GRIP1: variants seen among roughly 807,000 people sequenced by gnomAD.
The protein encoded by GRIP1 is glutamate receptor-interacting protein 1.
In GRIP1, 45 loss-of-function variants were observed where a neutral mutation model predicts 129.9. The observed-to-expected ratio is 0.35, with a 90% CI of 0.27 to 0.44. GRIP1 has a LOEUF of 0.44. GRIP1 is among the 20% of genes least tolerant of loss of function. The probability of loss-of-function intolerance (pLI) is 1.00; values close to 1 mark genes in which losing one functional copy is unlikely to be tolerated. For synonymous variants in GRIP1, 530 were observed against 520.8 expected, an observed-to-expected ratio of 1.02 and a Z score of -0.24; for missense variants, 1,196 against 1,396.8, an observed-to-expected ratio of 0.86 and a Z score of 2.29.
intron 7 of GRIP1, among the ~76,000 whole-genome samples, chr12:66,476,477 A>G (rs958664492): frequency 1.3e-5 from 2 of 152,230 alleles, no homozygotes; most frequent in Admixed American, 1.3e-4. Context: ...AACTATTCTA[A>G]TCAATAGAAA....
chr12:66,531,117 C>T (rs1418690768), intron 4 of GRIP1, among the ~76,000 whole-genome samples: 1 of 151,520 alleles, frequency 6.6e-6, no homozygotes, highest in Non-Finnish European at 1.5e-5. Flanking sequence ...TGCCTGTAAT[C>T]CCAGCTACTT....
At chr12:67,065,859 A>T (rs2043615477) in intron 1 of GRIP1, among the ~76,000 whole-genome samples, 2 of 145,738 alleles carry the variant, frequency 1.4e-5, no homozygotes, top group African/African-American at 2.8e-5. Flanking sequence ...CAATGAATAC[A>T]TTACTTAATT....
At chr12:66,914,845 C>T (rs999628619) in intron 1 of GRIP1, among the ~76,000 whole-genome samples, 1 of 152,122 alleles carries the variant, frequency 6.6e-6, no homozygotes, top group Admixed American at 6.6e-5. Context: ...CAGACTAAGC[C>T]AGGCATGGTG....
chr12:66,803,943 A>C, intron 1 of GRIP1: 1 of 360,450 alleles, frequency 2.8e-6, no homozygotes, highest in Non-Finnish European at 5.6e-6. Flanking sequence ...GACTGCTCAC[A>C]GAGAACACCA....
At position 66,347,866 on chromosome 12, in the gene GRIP1, A is replaced by G. The variant is rs2054045861; in HGVS notation, c.*1153T>C. On this transcript the variant is annotated 3_prime_UTR_variant, in exon 25 of 25. Coordinates refer to ENST00000359742, the MANE Select transcript of GRIP1 (RefSeq NM_001366722.1). ...AAAATGTTTGGAAAATAATCATTTC[A>G]ATATGGAGAGTCTACCATCAATATA... 6.6e-6 allele frequency: 1 copy of G among 152,228 alleles called. No homozygotes were observed. The highest frequency in any genetic ancestry group is 2.4e-5 in the African/African-American group (1 of 41,464). The allele number at this position is 152,228 out of a possible 1,614,324, so 9.4% of individuals were successfully genotyped here.
chr12:66,455,421 A>G lies in GRIP1; in HGVS notation c.1342T>C (p.Phe448Leu), dbSNP rs2058928333. 1 of 1,614,152 alleles carries G rather than the reference A, an allele frequency of 6.2e-7. No homozygotes were observed. The stretch of plus-strand genomic sequence containing the variant: ...TCATTTCACTTACATGAGCTTTTGA[A>G]GTCTTTCTTTTTCAGTCTCCTCCTC... ...MMRRRLKKKD[F>L]KSSLSLASST... Residue 448 changes from phenylalanine (F) to leucine (L), a missense_variant, in exon 11 of 25, where the codon TTC (phenylalanine) becomes CTC (leucine). Physicochemically the swap from Phe to Leu is conservative, Grantham distance 22. This residue lies in a region of GRIP1 where 508 missense variants were observed against 587.0 expected (regional missense o/e 0.87). Coordinates refer to ENST00000359742, the MANE Select transcript of GRIP1 (RefSeq NM_001366722.1).
chr12:66,940,155 CGT>C (rs145962655), intron 1 of GRIP1, among the ~76,000 whole-genome samples: 12,596 of 151,282 alleles, frequency 0.083, 498 homozygotes, highest in South Asian at 0.094. Flanking sequence ...AACCTGTGTA[CGT>C]GTGTGTGTGT....
intron 1 of GRIP1, among the ~76,000 whole-genome samples, chr12:66,892,933 T>C (rs2040686384): frequency 6.6e-6 from 1 of 152,074 alleles, no homozygotes; most frequent in Non-Finnish European, 1.5e-5. Context: ...ACCAATGCAG[T>C]CCAGCCTAGG....
chr12:66,410,036 G>A (rs2057332070), intron 15 of GRIP1, among the ~76,000 whole-genome samples: 1 of 150,114 alleles, frequency 6.7e-6, no homozygotes, highest in Non-Finnish European at 1.5e-5. Flanking sequence ...GGATCACGAG[G>A]TCAGGAGATC....
chr12:66,427,070 C>T (rs1224600075), intron 14 of GRIP1, among the ~76,000 whole-genome samples: 1 of 152,162 alleles, frequency 6.6e-6, no homozygotes, highest in East Asian at 1.9e-4. Flanking sequence ...AACCAATCCT[C>T]CTGCCTTAGG....
chr12:66,754,270 T>C (rs1662126925), intron 1 of GRIP1, among the ~76,000 whole-genome samples: 1 of 152,150 alleles, frequency 6.6e-6, no homozygotes, highest in Non-Finnish European at 1.5e-5. Flanking sequence ...GCTGAACAAA[T>C]GTTAAAACTG....
At position 66,531,247 on chromosome 12, in the gene GRIP1, AAAAAAATATATATATATATATATATAT is replaced by A. The variant is rs1265091252; in HGVS notation, c.419-1360_419-1334del. On this transcript the variant is annotated intron_variant, in intron 4 of 24. Coordinates refer to ENST00000359742, the MANE Select transcript of GRIP1 (RefSeq NM_001366722.1). Reference sequence around the variant, plus strand: ...TGAGACTCTGTCTCAAAAAAAAAAAAAAAAAATATATATATATATATATATATATATATATATATATATATATATATA... The same window carrying A: ...TGAGACTCTGTCTCAAAAAAAAAAAAATATATATATATATATATATATATA... Among the ~76,000 whole-genome samples, 569 of 60,768 alleles carry A rather than the reference AAAAAAATATATATATATATATATATAT, an allele frequency of 9.4e-3. 28 individuals carry two copies. Among genetic ancestry groups the A allele is most frequent in the East Asian group, 0.04 (81 of 2,042 alleles). The allele number at this position is 60,768 out of a possible 152,430, so 39.9% of individuals were successfully genotyped here. A position where few individuals can be genotyped will look rare whatever the true frequency, so the allele number is the denominator to read the frequency against.
chr12:66,696,081 C>T (rs988052489), intron 1 of GRIP1, among the ~76,000 whole-genome samples: 1 of 151,980 alleles, frequency 6.6e-6, no homozygotes, highest in African/African-American at 2.4e-5. Flanking sequence ...ACAATATAGG[C>T]ATAAAATGGA....
intron 1 of GRIP1, among the ~76,000 whole-genome samples, chr12:67,056,634 C>G (rs975120657): frequency 1.3e-5 from 2 of 152,104 alleles, no homozygotes; most frequent in Admixed American, 6.5e-5. Context: ...GAGACATAGA[C>G]ACTCAAGGGG....
intron 7 of GRIP1, among the ~76,000 whole-genome samples, chr12:66,479,015 A>AC (rs2059715258): frequency 6.6e-6 from 1 of 151,886 alleles, no homozygotes; most frequent in Admixed American, 6.6e-5. Flanking sequence ...GTACCCTAGA[A>AC]CCTAAAGTAT....
At chr12:66,467,852 G>T (rs1306552605) in intron 7 of GRIP1, among the ~76,000 whole-genome samples, 1 of 152,108 alleles carries the variant, frequency 6.6e-6, no homozygotes, top group Admixed American at 6.5e-5. Flanking sequence ...CACTTTCCAT[G>T]GTCTTGTTGG....
At chr12:66,723,873 T>C (rs1017494948) in intron 1 of GRIP1, among the ~76,000 whole-genome samples, 2 of 152,242 alleles carry the variant, frequency 1.3e-5, no homozygotes, top group South Asian at 2.1e-4. Flanking sequence ...GAACAGAGCA[T>C]GGTGTTTCAA....
chr12:66,747,202 G>T (rs1011985672), intron 1 of GRIP1, among the ~76,000 whole-genome samples: 1 of 152,032 alleles, frequency 6.6e-6, no homozygotes, highest in South Asian at 2.1e-4. Flanking sequence ...TCTCTAGAAA[G>T]AATATAAGGG....
chr12:66,406,848 A>G (rs1384532957), intron 15 of GRIP1, among the ~76,000 whole-genome samples: 10 of 152,206 alleles, frequency 6.6e-5, no homozygotes, highest in Admixed American at 6.5e-4. Flanking sequence ...TAATAGAGTT[A>G]GTGGAAGCCT....
Sources: allele counts gnomAD v4.1 joint callset (sites outside exome capture counted in the v4.1 genomes callset), GRCh38; gene constraint gnomAD v4.1.1; regional missense constraint gnomAD v4.1.1; transcripts MANE v1.5; gene names NCBI Gene and HGNC (gene_info 2026-07-23, HGNC 2026-07-21).